Variants in CNBD1 observed in about 807,000 individuals in gnomAD.
The protein encoded by CNBD1 is cyclic nucleotide-binding domain-containing protein 1.
CNBD1 carries 71 observed loss-of-function variants against 54.4 expected under a neutral mutation model. The ratio of observed to expected loss-of-function variants is 1.30; its 90% CI spans 1.08 to 1.59. CNBD1 has a LOEUF of 1.59. CNBD1 is among the 40% of genes most tolerant of loss of function. CNBD1 has a pLI of 0.00. For missense variants in CNBD1, 659 were observed against 518.0 expected (o/e 1.27, Z -2.64); for synonymous variants, 182 against 170.7 (o/e 1.07, Z -0.51).
In CNBD1 at chr8:87,271,549, T is replaced by C. The variant is rs559173462; in HGVS notation, c.772-13129T>C. ...GTTGTTTAACTTCTGTGGGTTTGTG[T>C]AATTTTCGAGGTTCCTCTTGTTAGA... On this transcript the variant is annotated intron_variant, in intron 6 of 10. Coordinates refer to ENST00000518476, the MANE Select transcript of CNBD1 (RefSeq NM_173538.3). 2.2e-3 allele frequency among the ~76,000 whole-genome samples: 331 copies of C among 152,044 alleles called. 2 individuals are homozygous for C. Among genetic ancestry groups the C allele is most frequent in the African/African-American group, 7.5e-3 (310 of 41,534 alleles).
intron 4 of CNBD1, among the ~76,000 whole-genome samples, chr8:87,138,581 T>C (rs1812308263): frequency 1.3e-5 from 2 of 152,188 alleles, no homozygotes; most frequent in African/African-American, 4.8e-5. Context: ...CTCAATCTCT[T>C]CTGGGTTAAC....
chr8:87,361,785 A>G (rs1810529077), intron 10 of CNBD1, among the ~76,000 whole-genome samples: 1 of 150,446 alleles, frequency 6.6e-6, no homozygotes. Context: ...ATTGGTTTAT[A>G]AAGAAATAGA....
intron 4 of CNBD1, among the ~76,000 whole-genome samples, chr8:86,942,323 T>A (rs958532834): frequency 4.6e-5 from 7 of 152,154 alleles, no homozygotes; most frequent in Non-Finnish European, 7.3e-5. Flanking sequence ...CTTAGTGGCT[T>A]ACAACAACAT....
intron 2 of CNBD1, among the ~76,000 whole-genome samples, chr8:87,414,363 G>A (rs970952923): frequency 6.6e-6 from 1 of 152,024 alleles, no homozygotes; most frequent in African/African-American, 2.4e-5. Flanking sequence ...CACACTCCAG[G>A]GACTGTTGTG....
chr8:86,876,228 A>T (rs1808519409), intron 1 of CNBD1, among the ~76,000 whole-genome samples: 1 of 149,946 alleles, frequency 6.7e-6, no homozygotes, highest in Non-Finnish European at 1.5e-5. Context: ...GTGGAGGAAA[A>T]CTGCTTTGAG....
intron 3 of CNBD1, among the ~76,000 whole-genome samples, chr8:86,910,935 A>G (rs1029330244): frequency 2.0e-5 from 3 of 152,198 alleles, no homozygotes; most frequent in African/African-American, 4.8e-5. Context: ...ACAGGGCACA[A>G]AAAATTGGTC....
At chr8:86,973,411 C>T (rs1042910128) in intron 4 of CNBD1, among the ~76,000 whole-genome samples, 5 of 152,102 alleles carry the variant, frequency 3.3e-5, no homozygotes, top group Admixed American at 6.5e-5. Context: ...AAAAGTTGTA[C>T]TTTTGTTATT....
chr8:87,143,274 A>G (rs1225111500), intron 4 of CNBD1, among the ~76,000 whole-genome samples: 2 of 152,156 alleles, frequency 1.3e-5, no homozygotes, highest in African/African-American at 4.8e-5. Context: ...AATTCTTTGA[A>G]GTGGGCATGA....
intron 2 of CNBD1, among the ~76,000 whole-genome samples, chr8:87,397,035 G>A (rs938402325): frequency 6.6e-6 from 1 of 151,428 alleles, no homozygotes; most frequent in African/African-American, 2.4e-5. Context: ...TTTGGTTTTA[G>A]AGGCAAGCTT....
At chr8:86,976,135 C>T (rs1808335981) in intron 4 of CNBD1, among the ~76,000 whole-genome samples, 1 of 144,410 alleles carries the variant, frequency 6.9e-6, no homozygotes, top group Admixed American at 6.9e-5. Context: ...AGCACCTTAC[C>T]TGATTTATGA....
intron 6 of CNBD1, among the ~76,000 whole-genome samples, chr8:87,252,527 G>A (rs1041478589): frequency 6.6e-6 from 1 of 152,102 alleles, no homozygotes; most frequent in African/African-American, 2.4e-5. Flanking sequence ...TGGTATTTTA[G>A]TATGGTTAAC....
rs2130778668 is a variant in CNBD1, at chr8:87,182,637, A to G, written c.432-23356A>G. On this transcript the variant is annotated intron_variant, in intron 4 of 10. Transcript: ENST00000518476. The surrounding 1 kb of genome is among the most constrained non-coding windows in gnomAD (Gnocchi z 4.1). ...CGTGGTTTTGATTTGCATTTCTCTA[A>G]TAGCTGGTGATGTTGAGCATTTTTT... Among the ~76,000 whole-genome samples the G allele has an allele frequency of 1.3e-5, 2 of 151,734 alleles. No individual in the cohort carries two copies. The highest frequency in any genetic ancestry group is 3.9e-4 in the East Asian group (2 of 5,162).
intron 5 of CNBD1, among the ~76,000 whole-genome samples, chr8:87,229,126 C>A (rs1052338068): frequency 6.6e-6 from 1 of 152,152 alleles, no homozygotes; most frequent in Non-Finnish European, 1.5e-5. Flanking sequence ...GGTGCGCGCA[C>A]CCACTGACCT....
At chr8:87,331,567 G>A (rs1458350183) in intron 8 of CNBD1, among the ~76,000 whole-genome samples, 1 of 152,126 alleles carries the variant, frequency 6.6e-6, no homozygotes, top group Non-Finnish European at 1.5e-5. Flanking sequence ...TGTCCCTCTG[G>A]TTATATACCC....
Position 87,169,566 on chromosome 8 carries a change from T to C in CNBD1, c.432-36427T>C, listed in dbSNP as rs780720082. On this transcript the variant is annotated intron_variant, in intron 4 of 10. Transcript: ENST00000518476. ...GTCTTAGAGTTAAGTCTTCAACCTA[T>C]TTTGATTTTATTTTTGTATACAGTG... Among the ~76,000 whole-genome samples, 7 of 152,234 alleles carry C rather than the reference T, an allele frequency of 4.6e-5. No individual in the cohort carries two copies. The East Asian group carries it at 1.4e-3, about 29-fold the overall frequency.
In CNBD1 at chr8:87,182,663, CAT is replaced by C. The variant is rs1414104003; in HGVS notation, c.432-23327_432-23326del. On this transcript the variant is annotated intron_variant, in intron 4 of 10. Coordinates refer to ENST00000518476, the MANE Select transcript of CNBD1 (RefSeq NM_173538.3). This position sits in a 1 kb window ranked among gnomAD's most constrained non-coding sequence, Gnocchi z 4.1. ...TAGCTGGTGATGTTGAGCATTTTTT[CAT>C]ATGTTTGCTGCCTGAATGTATGTCT... Among the ~76,000 whole-genome samples, 2 of 151,674 alleles carry C rather than the reference CAT, an allele frequency of 1.3e-5. No individual in the cohort carries two copies. Among genetic ancestry groups the C allele is most frequent in the Admixed American group, 6.6e-5 (1 of 15,186 alleles).
chr8:87,174,246 C>G lies in CNBD1; in HGVS notation c.432-31747C>G, dbSNP rs181853354. ...GTGTCAGGATTACAGACGTGAGCCA[C>G]CACGCCTGGCCTCTTTTTTATTCTT... is the stretch of plus-strand genomic sequence containing the variant. On this transcript the variant is annotated intron_variant, in intron 4 of 10. Coordinates refer to ENST00000518476, the MANE Select transcript of CNBD1 (RefSeq NM_173538.3). 2.0e-5 allele frequency among the ~76,000 whole-genome samples: 3 copies of G among 152,228 alleles called. No homozygotes were observed. In the East Asian group the frequency reaches 5.8e-4, roughly 29 times the overall value.
At chr8:87,314,211 T>C (rs933458895) in intron 8 of CNBD1, among the ~76,000 whole-genome samples, 6 of 151,944 alleles carry the variant, frequency 3.9e-5, no homozygotes, top group African/African-American at 1.4e-4. Flanking sequence ...ATAAAAATCC[T>C]AAAAATTCTA....
chr8:87,353,218 G>A (rs1316471207), intron 9 of CNBD1, among the ~76,000 whole-genome samples: 1 of 152,070 alleles, frequency 6.6e-6, no homozygotes, highest in Non-Finnish European at 1.5e-5. Context: ...TCTGGCCCTG[G>A]CATTTTCTGC....
Sources: allele counts gnomAD v4.1 joint callset (sites outside exome capture counted in the v4.1 genomes callset), GRCh38; gene constraint gnomAD v4.1.1; non-coding constraint Gnocchi (gnomAD v3.1); transcripts MANE v1.5; gene names NCBI Gene and HGNC (gene_info 2026-07-23, HGNC 2026-07-21).